The following RAB8B variants were observed in gnomAD, a reference collection of about 807,000 sequenced individuals.
RAB8B encodes the protein ras-related protein Rab-8B.
In RAB8B, 11 loss-of-function variants were observed where a neutral mutation model predicts 32.0. That is an observed-to-expected ratio of 0.34 (90% CI 0.22 to 0.57). RAB8B has a LOEUF of 0.57. Ranked by LOEUF, RAB8B falls within the 20% of genes least tolerant of loss-of-function variation. RAB8B has a pLI of 0.86. For missense variants in RAB8B, 190 were observed against 258.5 expected (o/e 0.73, Z 1.82); for synonymous variants, 103 against 89.6 (o/e 1.15, Z -0.85).
intron 1 of RAB8B, among the ~76,000 whole-genome samples, chr15:63,190,364 G>A (rs1218216632): frequency 2.6e-5 from 4 of 152,010 alleles, no homozygotes; most frequent in African/African-American, 9.7e-5. Context: ...AATTGTAGGT[G>A]GAAGAAGAGT....
chr15:63,234,742 G>A (rs182401066), intron 1 of RAB8B, among the ~76,000 whole-genome samples: 2 of 152,282 alleles, frequency 1.3e-5, no homozygotes, highest in East Asian at 1.9e-4. Context: ...ATACCACCCT[G>A]CCTTCTCCTC....
At chr15:63,216,369 C>T (rs1009379596) in intron 1 of RAB8B, among the ~76,000 whole-genome samples, 12 of 151,430 alleles carry the variant, frequency 7.9e-5, no homozygotes, top group Non-Finnish European at 1.8e-4. Context: ...TCTGGGACTA[C>T]AGGCGCACAC....
At chr15:63,217,110 T>G (rs2037799049) in intron 1 of RAB8B, among the ~76,000 whole-genome samples, 1 of 152,120 alleles carries the variant, frequency 6.6e-6, no homozygotes, top group African/African-American at 2.4e-5. Context: ...TTAGAAAGAA[T>G]AATCAGATAT....
intron 1 of RAB8B, among the ~76,000 whole-genome samples, chr15:63,228,796 GCTT>G (rs1299018523): frequency 6.6e-6 from 1 of 152,142 alleles, no homozygotes; most frequent in African/African-American, 2.4e-5. Flanking sequence ...GCCCCTAAAA[GCTT>G]CTTTAATTCA....
intron 1 of RAB8B, among the ~76,000 whole-genome samples, chr15:63,191,098 A>G (rs1331362189): frequency 6.6e-6 from 1 of 152,188 alleles, no homozygotes; most frequent in Non-Finnish European, 1.5e-5. Flanking sequence ...CAGGTTAATT[A>G]AGTACCTTAA....
At chr15:63,239,311 A>G (rs1461734712) in intron 1 of RAB8B, among the ~76,000 whole-genome samples, 6 of 151,506 alleles carry the variant, frequency 4.0e-5, no homozygotes, top group South Asian at 2.1e-4. Context: ...TACTGATATT[A>G]TTGTCAAGCT....
chr15:63,211,411 A>G (rs893076157), intron 1 of RAB8B, among the ~76,000 whole-genome samples: 4 of 152,178 alleles, frequency 2.6e-5, no homozygotes, highest in African/African-American at 7.2e-5. Flanking sequence ...ACCCCAGACT[A>G]TATGTGTTCA....
chr15:63,219,627 A>C (rs547289362), intron 1 of RAB8B, among the ~76,000 whole-genome samples: 7 of 152,314 alleles, frequency 4.6e-5, no homozygotes, highest in Admixed American at 3.9e-4. Context: ...TTGTTATATA[A>C]AAATTATTTC....
chr15:63,192,465 T>G (rs2037564349), intron 1 of RAB8B, among the ~76,000 whole-genome samples: 1 of 152,216 alleles, frequency 6.6e-6, no homozygotes, highest in Admixed American at 6.5e-5. Context: ...TGTAAGTTCC[T>G]GTGCTTTTCT....
Position 63,263,592 on chromosome 15 carries a change from C to G in RAB8B, c.597C>G (p.Thr199=). The G allele has an allele frequency of 1.2e-6, 2 of 1,611,434 alleles. No individual in the cohort carries two copies. The highest frequency in any genetic ancestry group is 1.7e-6 in the Non-Finnish European group (2 of 1,177,620). The change falls in exon 8 of 8, where the codon ACC becomes ACG. Residue 199 remains threonine (T), a synonymous_variant. Coordinates refer to ENST00000321437, the MANE Select transcript of RAB8B (RefSeq NM_016530.3). ...TAACAGAAAACCGATCAAAGAAGAC[C>G]AGTTTCTTTCGTTGCTCGCTACTTT... ...VKITENRSKK[T]SFFRCSLL is the part of the protein sequence containing the mutation.
intron 1 of RAB8B, among the ~76,000 whole-genome samples, chr15:63,201,984 G>C (rs1178810448): frequency 6.6e-6 from 1 of 151,570 alleles, no homozygotes; most frequent in Non-Finnish European, 1.5e-5. Context: ...CGGGCGCGGT[G>C]GCTCACACCT....
At chr15:63,240,603 CT>C (rs945714353) in intron 1 of RAB8B, among the ~76,000 whole-genome samples, 81 of 149,030 alleles carry the variant, frequency 5.4e-4, no homozygotes, top group African/African-American at 1.5e-3. Context: ...TCCCCACTTG[CT>C]TTTTTTTTTC....
intron 1 of RAB8B, among the ~76,000 whole-genome samples, chr15:63,218,194 GTTT>G (rs1416800551): frequency 6.6e-6 from 1 of 152,058 alleles, no homozygotes; most frequent in African/African-American, 2.4e-5. Context: ...CATTATCCCA[GTTT>G]TATCACTTTC....
At chr15:63,190,340 A>G (rs531677531) in intron 1 of RAB8B, among the ~76,000 whole-genome samples, 1 of 152,148 alleles carries the variant, frequency 6.6e-6, no homozygotes, top group Non-Finnish European at 1.5e-5. Flanking sequence ...ATGTCGTAGG[A>G]GGGGACAGAA....
At chr15:63,193,711 T>C (rs557166299) in intron 1 of RAB8B, among the ~76,000 whole-genome samples, 1 of 152,152 alleles carries the variant, frequency 6.6e-6, no homozygotes, top group African/African-American at 2.4e-5. Context: ...CTTGGGAGGC[T>C]GAGGCAGGAG....
At chr15:63,243,448 C>T (rs2038048066) in intron 1 of RAB8B, among the ~76,000 whole-genome samples, 1 of 152,172 alleles carries the variant, frequency 6.6e-6, no homozygotes. Context: ...ATAGAGCTTG[C>T]TGATATTTGT....
chr15:63,197,353 C>T (rs1467598468), intron 1 of RAB8B, among the ~76,000 whole-genome samples: 412 of 86,990 alleles, frequency 4.7e-3, no homozygotes, highest in South Asian at 6.4e-3. Context: ...TTTTTTCTTT[C>T]TTTCTTTCTT....
intron 6 of RAB8B, among the ~76,000 whole-genome samples, chr15:63,260,055 G>A (rs1299623760): frequency 2.6e-5 from 4 of 152,038 alleles, no homozygotes; most frequent in African/African-American, 4.8e-5. Context: ...GGAGGGTCTC[G>A]ATCTCTTGAC....
intron 1 of RAB8B, among the ~76,000 whole-genome samples, chr15:63,240,979 C>T (rs7167722): frequency 0.9 from 137,679 of 152,202 alleles, 63,081 homozygotes; most frequent in East Asian, 1. Flanking sequence ...GGCGTTACTA[C>T]TTTAATAAGC....
Sources: gnomAD v4.1 joint callset for allele counts (sites outside exome capture counted in the v4.1 genomes callset) on GRCh38, gnomAD v4.1.1 for gene constraint, MANE v1.5 for transcripts, NCBI Gene and HGNC (gene_info 2026-07-23, HGNC 2026-07-21) for gene names.